CDK6: variants seen among roughly 807,000 people sequenced by gnomAD.
The protein encoded by CDK6 is cyclin-dependent kinase 6.
Under a neutral mutation model 37.1 loss-of-function variants are expected in CDK6, and 6 were observed. That is an observed-to-expected ratio of 0.16 (90% confidence interval 0.09 to 0.32). The LOEUF is 0.32. Among genes scored for constraint, CDK6 ranks in the 10% least tolerant of loss-of-function variants. The pLI is 1.00. For synonymous variants in CDK6, 160 were observed against 161.3 expected (o/e 0.99, Z 0.06); for missense variants, 224 against 418.9 (o/e 0.53, Z 4.06).
At chr7:92,681,384 A>AGGTAGAATTCAGGGAAG (rs1274679322) in intron 4 of CDK6, among the ~76,000 whole-genome samples, 1 of 152,210 alleles carries the variant, frequency 6.6e-6, no homozygotes, top group Non-Finnish European at 1.5e-5. Flanking sequence ...GGACCAGCAA[A>AGGTAGAATTCAGGGAAG]GGTAGAATTC....
chr7:92,697,441 A>T (rs974767112), intron 4 of CDK6, among the ~76,000 whole-genome samples: 6 of 152,230 alleles, frequency 3.9e-5, no homozygotes, highest in African/African-American at 1.4e-4. Context: ...AAACATAAAA[A>T]CTTGTGAGAT....
intron 3 of CDK6, among the ~76,000 whole-genome samples, chr7:92,756,898 T>C (rs1343606938): frequency 6.6e-6 from 1 of 152,196 alleles, no homozygotes; most frequent in East Asian, 1.9e-4. Flanking sequence ...GGTGGGGCTT[T>C]TCTTTTCTAA....
At chr7:92,725,940 C>G in intron 3 of CDK6, 147 bp from the exon 4 acceptor site, 1 of 634,730 alleles carries the variant, frequency 1.6e-6, no homozygotes, top group Non-Finnish European at 2.7e-6. Context: ...TGAATTGTCT[C>G]CCTTCCTGCC....
chr7:92,764,460 A>G (rs951151184), intron 3 of CDK6, among the ~76,000 whole-genome samples: 2 of 152,206 alleles, frequency 1.3e-5, no homozygotes, highest in African/African-American at 4.8e-5. Context: ...CTGACATTCA[A>G]GGAATTCTCT....
intron 4 of CDK6, among the ~76,000 whole-genome samples, chr7:92,718,191 T>C (rs1290868230): frequency 6.6e-6 from 1 of 152,200 alleles, no homozygotes; most frequent in Non-Finnish European, 1.5e-5. Flanking sequence ...GGCAACTGGA[T>C]GTTTTAACAA....
chr7:92,746,722 C>A (rs1362329735), intron 3 of CDK6, among the ~76,000 whole-genome samples: 1 of 152,122 alleles, frequency 6.6e-6, no homozygotes, highest in Non-Finnish European at 1.5e-5. Context: ...CTATCCATTT[C>A]TTAACAGTCT....
intron 4 of CDK6, among the ~76,000 whole-genome samples, chr7:92,681,422 A>G (rs976450697): frequency 4.6e-5 from 7 of 152,128 alleles, no homozygotes; most frequent in Non-Finnish European, 7.3e-5. Context: ...ACCTTTTGTG[A>G]TATCAGTGGC....
intron 5 of CDK6, among the ~76,000 whole-genome samples, chr7:92,651,433 A>T (rs1796571188): frequency 6.6e-6 from 1 of 152,212 alleles, no homozygotes. Flanking sequence ...AATCTGCCCC[A>T]AAACAACAAA....
chr7:92,768,239 T>A (rs1292672056), intron 3 of CDK6, among the ~76,000 whole-genome samples: 1 of 151,928 alleles, frequency 6.6e-6, no homozygotes, highest in Non-Finnish European at 1.5e-5. Context: ...GGGTCTTGAG[T>A]GCCAAAAAGA....
intron 3 of CDK6, among the ~76,000 whole-genome samples, chr7:92,746,506 C>T (rs996176796): frequency 6.6e-6 from 1 of 152,122 alleles, no homozygotes; most frequent in Non-Finnish European, 1.5e-5. Flanking sequence ...ATAAAATTAC[C>T]TTCAGGCTAT....
chr7:92,720,441 A>C (rs1292554081), intron 4 of CDK6, among the ~76,000 whole-genome samples: 1 of 152,216 alleles, frequency 6.6e-6, no homozygotes, highest in Non-Finnish European at 1.5e-5. Context: ...TGCCTGTTTG[A>C]ATGGCAGTTT....
chr7:92,792,867 T>C (rs970484241), intron 2 of CDK6, among the ~76,000 whole-genome samples: 2 of 152,024 alleles, frequency 1.3e-5, no homozygotes, highest in East Asian at 1.9e-4. Flanking sequence ...TGGGAAGTTA[T>C]CAGCCTCCAG....
At chr7:92,680,211 T>C (rs964164003) in intron 4 of CDK6, among the ~76,000 whole-genome samples, 2 of 150,388 alleles carry the variant, frequency 1.3e-5, no homozygotes, top group African/African-American at 4.9e-5. Context: ...GGAGGGCGGA[T>C]GACCTGAGGT....
intron 2 of CDK6, among the ~76,000 whole-genome samples, chr7:92,795,257 C>A (rs1680742227): frequency 6.6e-6 from 1 of 152,016 alleles, no homozygotes; most frequent in Admixed American, 6.6e-5. Context: ...AAGAGGGAAG[C>A]AATTTGCTAC....
rs2116034889 is a variant in CDK6 at position 92,833,309 on chromosome 7, G to A, written c.15C>T (p.Gly5=). 6.3e-7 allele frequency: 1 copy of A among 1,595,944 alleles called. No individual in the cohort carries two copies. The highest frequency in any genetic ancestry group is 2.3e-5 in the East Asian group (1 of 43,288). MEKD[G]LCRADQQYEC... ...CGTACTGCTGGTCAGCGCGGCACAGGCCGTCCTTCTCCATGCCGCCTGGAC... is the reference window on the plus strand; with the variant it reads ...CGTACTGCTGGTCAGCGCGGCACAGACCGTCCTTCTCCATGCCGCCTGGAC... Residue 5 remains glycine, a synonymous_variant, in exon 2 of 8, where the codon GGC becomes GGT. Transcript: ENST00000424848. This position sits in a 1 kb window ranked among gnomAD's most constrained non-coding sequence, Gnocchi z 6.1.
rs1218728271 is a variant in CDK6, at chr7:92,607,058, AC to A, written c.*8081del. ...TTACCACACTGGATTGCTTCTGTAC[AC>A]AGCTAAGTTGCCTGAAGCATGGAAA... On this transcript the variant is annotated 3_prime_UTR_variant, in exon 8 of 8. Transcript: ENST00000424848. 8.6e-6 allele frequency: 2 copies of A among 233,472 alleles called. No homozygotes were observed. The highest frequency in any genetic ancestry group is 1.7e-5 in the Non-Finnish European group (2 of 118,004). 14.5% of individuals were successfully genotyped at this position (233,472 alleles called of 1,614,324 possible).
intron 5 of CDK6, among the ~76,000 whole-genome samples, chr7:92,625,900 C>A (rs1795918228): frequency 6.6e-6 from 1 of 151,990 alleles, no homozygotes; most frequent in Admixed American, 6.6e-5. Context: ...ACCTTTGTAA[C>A]CTGTATTTGA....
chr7:92,620,423 A>G (rs1170312742), intron 6 of CDK6, among the ~76,000 whole-genome samples: 1 of 152,216 alleles, frequency 6.6e-6, no homozygotes, highest in Non-Finnish European at 1.5e-5. Flanking sequence ...CCAAAGTCAC[A>G]GATAGCAAGC....
At position 92,613,537 on chromosome 7, in the gene CDK6, A is replaced by T. The variant is rs1795606714; in HGVS notation, c.*1603T>A. The T allele has an allele frequency of 1.7e-5, 4 of 233,534 alleles. No individual in the cohort carries two copies. Among genetic ancestry groups the T allele is most frequent in the Middle Eastern group, 1.3e-3 (1 of 786 alleles). 14.5% of individuals were successfully genotyped at this position (233,534 alleles called of 1,614,324 possible). A position where few individuals can be genotyped will look rare whatever the true frequency, so the allele number is the denominator to read the frequency against. On this transcript the variant is annotated 3_prime_UTR_variant, in exon 8 of 8. Coordinates refer to ENST00000424848, the MANE Select transcript of CDK6 (RefSeq NM_001145306.2). ...AGGACTGTAGAGAAAACAGTAAGAG[A>T]AAAAGGAAAAGCTGTTTACAATGCC... is the stretch of plus-strand genomic sequence containing the variant.
Sources: allele counts gnomAD v4.1 joint callset (sites outside exome capture counted in the v4.1 genomes callset), GRCh38; gene constraint gnomAD v4.1.1; non-coding constraint Gnocchi (gnomAD v3.1); transcripts MANE v1.5; gene names NCBI Gene and HGNC (gene_info 2026-07-23, HGNC 2026-07-21).